Variants in GRM5 observed in about 807,000 individuals in gnomAD.
GRM5 encodes the protein glutamate metabotropic receptor 5, also known as metabotropic glutamate receptor 5.
GRM5 carries 19 observed loss-of-function variants against 83.1 expected under a neutral mutation model. That is an observed-to-expected ratio of 0.23 (90% CI 0.16 to 0.34). The LOEUF (loss-of-function observed/expected upper bound fraction) is 0.34, where lower values mean the gene tolerates loss of function less well. Ranked by LOEUF, GRM5 falls within the 10% of genes least tolerant of loss-of-function variation. The pLI is 1.00. For missense variants in GRM5, 1,160 were observed against 1,588.3 expected (o/e 0.73, Z 4.58); for synonymous variants, 675 against 633.6 (o/e 1.07, Z -0.98).
chr11:89,023,527 T>C lies in GRM5; in HGVS notation c.661+23685A>G, dbSNP rs192940208. Among the ~76,000 whole-genome samples, 124 of 152,134 alleles carry C rather than the reference T, an allele frequency of 8.2e-4. 1 individual carries two copies. The highest frequency in any genetic ancestry group is 2.9e-3 in the African/African-American group (119 of 41,502). ...CCATGCGTGTTCATCATTTCCTTAGTATTTTACCTTACAGTGGGTCAGTTA... is the reference window on the plus strand; with the variant it reads ...CCATGCGTGTTCATCATTTCCTTAGCATTTTACCTTACAGTGGGTCAGTTA... On this transcript the variant is annotated intron_variant, in intron 2 of 9. Transcript: ENST00000305447.
In GRM5 at chr11:88,511,079, G is replaced by C. The variant is rs117415996; in HGVS notation, c.2727-1575C>G. ...ATAAGATGTGACCCCAGGAGAGTCT[G>C]ATTGTCTGGATTGGCTTCCAAGGAT... is the stretch of plus-strand genomic sequence containing the variant. On this transcript the variant is annotated intron_variant, in intron 9 of 9. Coordinates refer to ENST00000305447, the MANE Select transcript of GRM5 (RefSeq NM_001143831.3). Among the ~76,000 whole-genome samples, 614 of 152,338 alleles carry C rather than the reference G, an allele frequency of 4.0e-3. 2 individuals are homozygous for C. Among genetic ancestry groups the C allele is most frequent in the Non-Finnish European group, 6.4e-3 (437 of 68,024 alleles).
intron 2 of GRM5, among the ~76,000 whole-genome samples, chr11:88,872,069 C>T (rs12272485): frequency 1.3e-5 from 2 of 151,420 alleles, no homozygotes; most frequent in African/African-American, 4.8e-5. Context: ...GAAAAACCTA[C>T]ATTTTTAGTG....
At chr11:88,686,754 G>A (rs1940632471) in intron 3 of GRM5, among the ~76,000 whole-genome samples, 1 of 151,986 alleles carries the variant, frequency 6.6e-6, no homozygotes, top group Admixed American at 6.6e-5. Flanking sequence ...TTTCTCTTGT[G>A]GCTGCCATGT....
At position 88,880,031 on chromosome 11, in the gene GRM5, G is replaced by T. The variant is rs182096966; in HGVS notation, c.662-29876C>A. The stretch of plus-strand genomic sequence containing the variant: ...GTACACAGGGAATTTCTGGAGAAAT[G>T]CTTGAGATTTCAATATGAAAGACTG... On this transcript the variant is annotated intron_variant, in intron 2 of 9. Transcript: ENST00000305447. Among the ~76,000 whole-genome samples the T allele has an allele frequency of 6.7e-3, 1,018 of 152,164 alleles. 12 individuals are homozygous for T. The highest frequency in any genetic ancestry group is 0.024 in the African/African-American group (980 of 41,544).
At chr11:88,995,049 C>A (rs1353150380) in intron 2 of GRM5, among the ~76,000 whole-genome samples, 2 of 152,054 alleles carry the variant, frequency 1.3e-5, no homozygotes, top group African/African-American at 4.8e-5. Context: ...CTGTAGAGCT[C>A]CTAAACTTTG....
chr11:88,556,860 T>C (rs1942640995), intron 8 of GRM5, among the ~76,000 whole-genome samples: 1 of 152,066 alleles, frequency 6.6e-6, no homozygotes, highest in South Asian at 2.1e-4. Flanking sequence ...GCTACCTTGT[T>C]CCATCAGGGT....
chr11:88,718,055 A>C (rs1941439565), intron 3 of GRM5, among the ~76,000 whole-genome samples: 1 of 151,884 alleles, frequency 6.6e-6, no homozygotes, highest in Non-Finnish European at 1.5e-5. Context: ...TTAAAAATTG[A>C]AATGGCTGAG....
intron 3 of GRM5, among the ~76,000 whole-genome samples, chr11:88,702,128 T>TG (rs1941049507): frequency 6.6e-6 from 1 of 151,996 alleles, no homozygotes; most frequent in Admixed American, 6.6e-5. Flanking sequence ...GTCTGTTGGT[T>TG]GGGGGTTAGG....
rs149879540 is a variant in GRM5 at position 88,745,293 on chromosome 11, C to A, written c.912-91890G>T. On this transcript the variant is annotated intron_variant, in intron 3 of 9. Coordinates refer to ENST00000305447, the MANE Select transcript of GRM5 (RefSeq NM_001143831.3). ...ACAGCTCACTGCAACCTCAACCCTT[C>A]GGGCTCAATCCACCCACCCACCTCA... Among the ~76,000 whole-genome samples the A allele has an allele frequency of 5.3e-5, 6 of 114,212 alleles. No individual in the cohort carries two copies. The East Asian group carries it at 1.8e-3, about 35-fold the overall frequency. The allele number at this position is 114,212 out of a possible 152,430, so 74.9% of individuals were successfully genotyped here. A position where few individuals can be genotyped will look rare whatever the true frequency, so the allele number is the denominator to read the frequency against.
At chr11:88,724,585 A>C (rs1332740661) in intron 3 of GRM5, among the ~76,000 whole-genome samples, 2 of 152,142 alleles carry the variant, frequency 1.3e-5, no homozygotes, top group Non-Finnish European at 2.9e-5. Flanking sequence ...TTACTGCATG[A>C]ATGGATGGAT....
At position 88,992,799 on chromosome 11, in the gene GRM5, T is replaced by C. The variant is rs190164581; in HGVS notation, c.661+54413A>G. Among the ~76,000 whole-genome samples the C allele has an allele frequency of 4.9e-5, 7 of 142,834 alleles. No individual in the cohort carries two copies. The East Asian group carries it at 1.3e-3, about 26-fold the overall frequency. The allele number at this position is 142,834 out of a possible 152,430, so 93.7% of individuals were successfully genotyped here. On this transcript the variant is annotated intron_variant, in intron 2 of 9. Coordinates refer to ENST00000305447, the MANE Select transcript of GRM5 (RefSeq NM_001143831.3). ...ACCAAGCACCACGTGTTCTCACTCA[T>C]AGGTGTGGATTGAACAATGAGAACA...
intron 2 of GRM5, among the ~76,000 whole-genome samples, chr11:89,038,262 T>G (rs1294029982): frequency 6.6e-6 from 1 of 152,172 alleles, no homozygotes; most frequent in East Asian, 1.9e-4. Flanking sequence ...ATTACACCTC[T>G]TGCCAAAACA....
chr11:88,767,939 T>C (rs1942655058), intron 3 of GRM5, among the ~76,000 whole-genome samples: 1 of 151,922 alleles, frequency 6.6e-6, no homozygotes, highest in Non-Finnish European at 1.5e-5. Flanking sequence ...AAAAAAGTAA[T>C]AACAAGTGTT....
chr11:89,009,215 A>G (rs1170500206), intron 2 of GRM5: 10 of 588,402 alleles, frequency 1.7e-5, no homozygotes, highest in Admixed American at 2.9e-5. Context: ...ACATATTAGC[A>G]TACCAAGATG....
intron 2 of GRM5, among the ~76,000 whole-genome samples, chr11:88,932,635 A>G (rs1565298271): frequency 6.6e-6 from 1 of 151,996 alleles, no homozygotes; most frequent in Non-Finnish European, 1.5e-5. Context: ...AAATAGCTAT[A>G]TATGTAACAA....
chr11:88,775,255 T>C (rs1363879989), intron 3 of GRM5, among the ~76,000 whole-genome samples: 1 of 151,748 alleles, frequency 6.6e-6, no homozygotes, highest in Non-Finnish European at 1.5e-5. Flanking sequence ...TCTCTGATGG[T>C]AGTTTGTATT....
chr11:88,624,225 C>T (rs549133829), intron 4 of GRM5, among the ~76,000 whole-genome samples: 6 of 152,328 alleles, frequency 3.9e-5, no homozygotes, highest in African/African-American at 9.6e-5. Flanking sequence ...CAGTTCACTA[C>T]TGGCTTCTCC....
At chr11:88,608,671 A>T (rs1319176918) in intron 4 of GRM5, among the ~76,000 whole-genome samples, 1 of 151,716 alleles carries the variant, frequency 6.6e-6, no homozygotes, top group East Asian at 1.9e-4. Flanking sequence ...GGAACCTGCC[A>T]CCATGCCCGG....
chr11:88,696,323 T>C (rs1398217505), intron 3 of GRM5, among the ~76,000 whole-genome samples: 1 of 152,066 alleles, frequency 6.6e-6, no homozygotes, highest in Non-Finnish European at 1.5e-5. Flanking sequence ...TCCGGTGTTT[T>C]ATGGGCACAG....
Sources: allele counts gnomAD v4.1 joint callset (sites outside exome capture counted in the v4.1 genomes callset), GRCh38; gene constraint gnomAD v4.1.1; transcripts MANE v1.5; gene names NCBI Gene and HGNC (gene_info 2026-07-23, HGNC 2026-07-21).